GABRB1: variants seen among roughly 807,000 people sequenced by gnomAD.
GABRB1 encodes the protein gamma-aminobutyric acid type A receptor subunit beta1.
In GABRB1, 17 loss-of-function variants were observed where a neutral mutation model predicts 51.6. That is an observed-to-expected ratio of 0.33 (90% CI 0.23 to 0.49). The LOEUF (loss-of-function observed/expected upper bound fraction) is 0.49, where lower values mean the gene tolerates loss of function less well. Among genes scored for constraint, GABRB1 ranks in the 20% least tolerant of loss-of-function variants. The pLI is 0.99. For missense variants in GABRB1, 410 were observed against 600.6 expected (o/e 0.68, Z 3.32); for synonymous variants, 247 against 218.9 (o/e 1.13, Z -1.14).
At chr4:47,188,879 C>A (rs182426308) in intron 4 of GABRB1, among the ~76,000 whole-genome samples, 10 of 152,096 alleles carry the variant, frequency 6.6e-5, no homozygotes, top group African/African-American at 2.4e-4. Context: ...GCATCAATAT[C>A]TGACAAATAA....
chr4:47,257,145 T>C (rs3114089), intron 4 of GABRB1, among the ~76,000 whole-genome samples: 99,576 of 151,864 alleles, frequency 0.66, 32,945 homozygotes, highest in South Asian at 0.81. Flanking sequence ...CATGTTTTAT[T>C]CCCTCAGCCC....
intron 4 of GABRB1, among the ~76,000 whole-genome samples, chr4:47,243,601 A>C (rs1254207029): frequency 6.6e-6 from 1 of 152,174 alleles, no homozygotes; most frequent in Non-Finnish European, 1.5e-5. Context: ...GAGGTCCTTC[A>C]CATCCCTTGT....
At chr4:47,087,251 T>C (rs1003099597) in intron 3 of GABRB1, among the ~76,000 whole-genome samples, 6 of 150,570 alleles carry the variant, frequency 4.0e-5, no homozygotes, top group African/African-American at 1.5e-4. Context: ...ACTCCAGGCG[T>C]ATGATACAAT....
intron 4 of GABRB1, among the ~76,000 whole-genome samples, chr4:47,227,655 A>C (rs1415321554): frequency 6.6e-6 from 1 of 152,122 alleles, no homozygotes; most frequent in Non-Finnish European, 1.5e-5. Context: ...CCAATGGTAC[A>C]CCCATGGAGA....
rs546316542 is a variant in GABRB1, at chr4:47,341,386, C to T, written c.544+21177C>T. On this transcript the variant is annotated intron_variant, in intron 5 of 8. Transcript: ENST00000295454. ...CAATAATCCACAACGTTTATATAACCTTTTGCACTTATGGAAATGTATTTT... is the reference window on the plus strand; with the variant it reads ...CAATAATCCACAACGTTTATATAACTTTTTGCACTTATGGAAATGTATTTT... 1.4e-4 allele frequency among the ~76,000 whole-genome samples: 22 copies of T among 152,274 alleles called. No individual in the cohort carries two copies. The South Asian group carries it at 2.5e-3, about 17-fold the overall frequency.
rs1727622043 is a variant in GABRB1 at position 47,382,202 on chromosome 4, G to C, written c.545-21116G>C. On this transcript the variant is annotated intron_variant, in intron 5 of 8. Coordinates refer to ENST00000295454, the MANE Select transcript of GABRB1 (RefSeq NM_000812.4). Reference sequence around the variant, plus strand: ...ACAGCATCTCATAGCTATAGGCCAGGGTTTTTCAACATCAGCAATATTGAC... The same window carrying C: ...ACAGCATCTCATAGCTATAGGCCAGCGTTTTTCAACATCAGCAATATTGAC... Among the ~76,000 whole-genome samples the C allele has an allele frequency of 2.6e-5, 4 of 152,086 alleles. No individual in the cohort carries two copies. In the South Asian group the frequency reaches 8.3e-4, roughly 32 times the overall value.
chr4:47,031,570 C>A lies in GABRB1; in HGVS notation c.-82C>A, dbSNP rs1560502674. The A allele has an allele frequency of 1.7e-6, 2 of 1,171,850 alleles. No homozygotes were observed. The highest frequency in any genetic ancestry group is 1.5e-5 in the African/African-American group (1 of 66,090). The allele number at this position is 1,171,850 out of a possible 1,614,324, so 72.6% of individuals were successfully genotyped here. A position where few individuals can be genotyped will look rare whatever the true frequency, so the allele number is the denominator to read the frequency against. On this transcript the variant is annotated 5_prime_UTR_variant, in exon 1 of 9. Transcript: ENST00000295454. ...CGCTCTGCGCATGCGCAGGTCCATT[C>A]GGGAATTACTGCCCAGCAGCCGACT...
intron 3 of GABRB1, among the ~76,000 whole-genome samples, chr4:47,150,310 TCACACACACACA>T (rs36066411): frequency 3.6e-5 from 5 of 138,438 alleles, no homozygotes; most frequent in East Asian, 4.3e-4. Context: ...TGAGAATCCA[TCACACACACACA>T]CACACACACA....
At chr4:47,074,195 CAA>C (rs1309900949) in intron 3 of GABRB1, among the ~76,000 whole-genome samples, 1 of 151,998 alleles carries the variant, frequency 6.6e-6, no homozygotes, top group African/African-American at 2.4e-5. Context: ...TCCCTACAAG[CAA>C]ATACACTAAA....
intron 3 of GABRB1, among the ~76,000 whole-genome samples, chr4:47,136,908 G>A (rs1213533129): frequency 6.6e-6 from 1 of 152,024 alleles, no homozygotes; most frequent in African/African-American, 2.4e-5. Context: ...TATCATTATA[G>A]CAAACAGTGT....
chr4:47,272,863 C>T (rs146634534), intron 4 of GABRB1, among the ~76,000 whole-genome samples: 6 of 152,158 alleles, frequency 3.9e-5, no homozygotes, highest in South Asian at 2.1e-4. Flanking sequence ...TGCTTTCTGA[C>T]GAAACCTGAG....
intron 5 of GABRB1, among the ~76,000 whole-genome samples, chr4:47,367,733 C>T (rs1727029840): frequency 6.6e-6 from 1 of 152,178 alleles, no homozygotes; most frequent in Admixed American, 6.5e-5. Context: ...GACCAGATTG[C>T]TAGAACAAAT....
chr4:47,262,364 C>A (rs1414322263), intron 4 of GABRB1, among the ~76,000 whole-genome samples: 1 of 151,972 alleles, frequency 6.6e-6, no homozygotes, highest in Non-Finnish European at 1.5e-5. Flanking sequence ...ACAAACAACC[C>A]CATCAAAAAG....
chr4:47,157,925 G>A (rs1011171028), intron 3 of GABRB1, among the ~76,000 whole-genome samples: 1 of 152,070 alleles, frequency 6.6e-6, no homozygotes, highest in Non-Finnish European at 1.5e-5. Context: ...TAATATGCTA[G>A]CATATGTTCA....
chr4:47,302,056 A>G (rs1397201546), intron 4 of GABRB1, among the ~76,000 whole-genome samples: 1 of 152,174 alleles, frequency 6.6e-6, no homozygotes, highest in East Asian at 1.9e-4. Flanking sequence ...TAGAGTGTTT[A>G]TAAATTCGGA....
intron 1 of GABRB1, among the ~76,000 whole-genome samples, chr4:47,022,761 T>C (rs771609398): frequency 1.1e-4 from 16 of 152,034 alleles, no homozygotes; most frequent in Non-Finnish European, 1.9e-4. Context: ...AAATTGAAAT[T>C]GAGCTCAATT....
At chr4:47,263,009 C>G (rs564723960) in intron 4 of GABRB1, among the ~76,000 whole-genome samples, 4 of 124,798 alleles carry the variant, frequency 3.2e-5, no homozygotes, top group Non-Finnish European at 6.2e-5. Context: ...CACATAGACA[C>G]AGGAAGGGGA....
chr4:47,388,651 A>G (rs544230400), intron 5 of GABRB1, among the ~76,000 whole-genome samples: 16 of 152,332 alleles, frequency 1.1e-4, no homozygotes, highest in African/African-American at 3.6e-4. Context: ...ATAGAGAAAG[A>G]AGACAGATAA....
intron 3 of GABRB1, among the ~76,000 whole-genome samples, chr4:47,133,054 T>A (rs1444609172): frequency 2.6e-5 from 4 of 152,232 alleles, no homozygotes; most frequent in Non-Finnish European, 5.9e-5. Flanking sequence ...ATGTCTTAAT[T>A]TTCTTCAGGA....
Sources: allele counts gnomAD v4.1 joint callset (sites outside exome capture counted in the v4.1 genomes callset), GRCh38; gene constraint gnomAD v4.1.1; transcripts MANE v1.5; gene names NCBI Gene and HGNC (gene_info 2026-07-23, HGNC 2026-07-21).